The following IFIH1 variants were observed in gnomAD, a reference collection of about 807,000 sequenced individuals.
IFIH1 encodes interferon induced with helicase C domain 1.
Under a neutral mutation model 107.4 loss-of-function variants are expected in IFIH1, and 125 were observed. The observed-to-expected ratio is 1.16, with a 90% CI of 1.01 to 1.35. The LOEUF is 1.35. Ranked by LOEUF, IFIH1 falls within the 40% of genes most tolerant of loss-of-function variation. The probability of loss-of-function intolerance (pLI) is 0.00; values close to 1 mark genes in which losing one functional copy is unlikely to be tolerated. For missense variants in IFIH1, 1,333 were observed against 1,213.7 expected, an observed-to-expected ratio of 1.10 and a Z score of -1.46; for synonymous variants, 458 against 413.2, an observed-to-expected ratio of 1.11 and a Z score of -1.31.
At chr2:162,274,046 A>C (rs1404488854) in intron 11 of IFIH1, 102 bp from the exon 12 acceptor site, 1 of 751,556 alleles carries the variant, frequency 1.3e-6, no homozygotes. Context: ...AGTGTAAATC[A>C]AAGGATTAGA....
intron 11 of IFIH1, 47 bp from the exon 12 acceptor site, chr2:162,273,991 TA>T (rs1264254315): frequency 4.0e-6 from 5 of 1,252,414 alleles, no homozygotes; most frequent in Non-Finnish European, 5.7e-6. Flanking sequence ...CTAAACACAT[TA>T]AAATCTTCTA....
intron 4 of IFIH1, among the ~76,000 whole-genome samples, chr2:162,291,692 A>C (rs1171336123): frequency 2.6e-5 from 4 of 151,840 alleles, no homozygotes; most frequent in Non-Finnish European, 5.9e-5. Context: ...GTCAACTTCA[A>C]AGATTAAAAC....
chr2:162,277,574 A>C lies in IFIH1; in HGVS notation c.1885T>G (p.Phe629Val), dbSNP rs145818112. Residue 629 changes from phenylalanine (F) to valine (V), a missense_variant, in exon 10 of 16, where the codon TTC (phenylalanine) becomes GTC (valine). Phe to Val is a conservative substitution (Grantham distance 50). Coordinates refer to ENST00000649979, the MANE Select transcript of IFIH1 (RefSeq NM_022168.4). ...MIDAYTHLETFYNEEKDKKFA... is the reference protein window; with the variant it reads ...MIDAYTHLETVYNEEKDKKFA... Reference sequence around the variant, plus strand: ...TTCTTATCTTTCTCTTCATTATAGAAAGTTTCAAGATGAGTATACGCATCT... The same window carrying C: ...TTCTTATCTTTCTCTTCATTATAGACAGTTTCAAGATGAGTATACGCATCT... 1.9e-6 allele frequency: 3 copies of C among 1,610,942 alleles called. No individual in the cohort carries two copies. The African/African-American group carries it at 4.0e-5, about 21-fold the overall frequency.
chr2:162,288,956 C>CACACACAG (rs779518601), intron 4 of IFIH1, among the ~76,000 whole-genome samples: 33 of 150,096 alleles, frequency 2.2e-4, no homozygotes, highest in Non-Finnish European at 3.6e-4. Flanking sequence ...CACACACACA[C>CACACACAG]AGACACCCTA....
At chr2:162,281,279 A>C in intron 7 of IFIH1, 49 bp downstream of exon 7, 2 of 1,434,440 alleles carry the variant, frequency 1.4e-6, no homozygotes, top group Non-Finnish European at 1.9e-6. Context: ...AAGTCCTGGC[A>C]TTTGTTTTAG....
Position 162,306,839 on chromosome 2 carries a change from T to A in IFIH1, c.639A>T (p.Ser213=). 1.2e-6 allele frequency: 2 copies of A among 1,613,838 alleles called. No homozygotes were observed. Among genetic ancestry groups the A allele is most frequent in the Non-Finnish European group, 1.7e-6 (2 of 1,179,800 alleles). ...CTTCCACTTGAGGACCATCAACTTG[T>A]GATAAATTCTCAATCTCTGTGAATA... ...SESNAEIENL[S]QVDGPQVEEQ... is the part of the protein sequence containing the mutation. Residue 213 remains serine (S), a synonymous_variant, in exon 3 of 16, where the codon TCA becomes TCT. Coordinates refer to ENST00000649979, the MANE Select transcript of IFIH1 (RefSeq NM_022168.4).
chr2:162,277,511 C>T lies in IFIH1; in HGVS notation c.1948G>A (p.Asp650Asn), dbSNP rs567418553. 35 of 1,582,004 alleles carry T rather than the reference C, an allele frequency of 2.2e-5. 1 individual carries two copies. The East Asian group carries it at 2.7e-4, about 12-fold the overall frequency. The stretch of plus-strand genomic sequence containing the variant: ...TCATCACCATCACAATACTCATCAT[C>T]ACCACCCTCATCACTATCATCTTCT... The part of the protein sequence containing the change: ...VIEDDSDEGG[D>N]DEYCDGDEDE... The change falls in exon 10 of 16, where the codon GAT becomes AAT. Residue 650 changes from aspartate to asparagine, a missense_variant. Asp to Asn is a conservative substitution (Grantham distance 23, BLOSUM62 1). Coordinates refer to ENST00000649979, the MANE Select transcript of IFIH1 (RefSeq NM_022168.4).
chr2:162,282,617 G>A (rs760564199), intron 5 of IFIH1, 41 bp from the exon 6 acceptor site: 1 of 1,379,910 alleles, frequency 7.2e-7, no homozygotes, highest in Admixed American at 1.9e-5. Context: ...GAGAAAGTTA[G>A]TCGAAGCCAA....
At chr2:162,314,398 C>CCTTT (rs1553461352) in intron 1 of IFIH1, among the ~76,000 whole-genome samples, 1,775 of 66,688 alleles carry the variant, frequency 0.027, 188 homozygotes, top group Middle Eastern at 0.069. Flanking sequence ...CTCCCTCCCT[C>CCTTT]CTTTCTTTCT....
At chr2:162,279,430 T>C (rs1189241549) in intron 8 of IFIH1, among the ~76,000 whole-genome samples, 2 of 152,124 alleles carry the variant, frequency 1.3e-5, no homozygotes, top group African/African-American at 4.8e-5. Context: ...TGACATAATT[T>C]ACTGGCCATA....
At position 162,310,899 on chromosome 2, in the gene IFIH1, C is replaced by A. The variant is rs1178412309; in HGVS notation, c.488G>T (p.Gly163Val). The change falls in exon 2 of 16, where the codon GGT becomes GTT. Residue 163 changes from glycine (G) to valine (V), a missense_variant. By Grantham distance (109) the Gly-to-Val change is moderately radical. Transcript: ENST00000649979. ...AAAENNGNES[G>V]VRELLKRIVQ... ...AATCCTTTTTAGTAGCTCTCTTACA[C>A]CTGATTCATTTCCATTGTTTTCTGC... The A allele has an allele frequency of 1.2e-6, 2 of 1,613,428 alleles. No homozygotes were observed. Among genetic ancestry groups the A allele is most frequent in the South Asian group, 1.1e-5 (1 of 91,014 alleles).
Position 162,267,488 on chromosome 2 carries a change from T to C in IFIH1, c.2889A>G (p.Lys963=), listed in dbSNP as rs1690948170. The C allele has an allele frequency of 1.2e-6, 2 of 1,613,736 alleles. No individual in the cohort carries two copies. Among genetic ancestry groups the C allele is most frequent in the African/African-American group, 2.7e-5 (2 of 74,932 alleles). ...DYQINGEIIC[K]CGQAWGTMMV... is the part of the protein sequence containing the mutation. ...ACAGCAATTTACTCACCTGGCCACA[T>C]TTGCAGATGATTTCACCATTTATTT... Residue 963 remains lysine, a synonymous_variant, in exon 15 of 16, where the codon AAA becomes AAG. Transcript: ENST00000649979.
intron 3 of IFIH1, among the ~76,000 whole-genome samples, chr2:162,302,177 T>C (rs1375428160): frequency 6.6e-6 from 1 of 152,124 alleles, no homozygotes; most frequent in Non-Finnish European, 1.5e-5. Flanking sequence ...CTGATGGTAG[T>C]GTGTCTTATC....
In IFIH1 at chr2:162,278,196, C is replaced by G. The variant is rs139661131; in HGVS notation, c.1765+9G>C. ...GATAAACTAAGTGTTAGGTCCAAAC[C>G]TAAATTACCTTTTTTTTCCATTTGA... On this transcript the variant is annotated intron_variant, in intron 9 of 15. Transcript: ENST00000649979. 19 of 1,600,016 alleles carry G rather than the reference C, an allele frequency of 1.2e-5. No homozygotes were observed. The highest frequency in any genetic ancestry group is 1.5e-5 in the Non-Finnish European group (18 of 1,175,722).
Position 162,318,012 on chromosome 2 carries a change from A to G in IFIH1, c.296T>C (p.Leu99Pro), listed in dbSNP as rs751197215. 4 of 1,614,188 alleles carry G rather than the reference A, an allele frequency of 2.5e-6. No individual in the cohort carries two copies. The highest frequency in any genetic ancestry group is 3.4e-6 in the Non-Finnish European group (4 of 1,180,030). The change falls in exon 1 of 16, where the codon CTC (leucine) becomes CCC (proline). Residue 99 changes from leucine (L) to proline (P), a missense_variant. Transcript: ENST00000649979. ...AAACGATGGAGAGGGCAAGTCCGTG[A>G]GCTCAGGGTTCATGTAGCGGGCGGC... is the stretch of plus-strand genomic sequence containing the variant. ...PLAARYMNPELTDLPSPSFEN... is the reference protein window; with the variant it reads ...PLAARYMNPEPTDLPSPSFEN...
At chr2:162,291,758 C>G (rs1340766019) in intron 4 of IFIH1, among the ~76,000 whole-genome samples, 1 of 151,788 alleles carries the variant, frequency 6.6e-6, no homozygotes, top group Non-Finnish European at 1.5e-5. Flanking sequence ...TAACAGTTCA[C>G]CAATTTATCT....
At chr2:162,278,543 C>A (rs1175564301) in intron 8 of IFIH1, among the ~76,000 whole-genome samples, 3 of 152,054 alleles carry the variant, frequency 2.0e-5, no homozygotes, top group Non-Finnish European at 4.4e-5. Flanking sequence ...CACCCTGTTA[C>A]CTCTGCTGGA....
At position 162,276,947 on chromosome 2, in the gene IFIH1, C is replaced by A. The variant is rs748813106; in HGVS notation, c.2045-1G>T. 3.1e-6 allele frequency: 5 copies of A among 1,591,566 alleles called. No homozygotes were observed. In the African/African-American group the frequency reaches 5.5e-5, roughly 17 times the overall value. ...AGCCTTTTCAACATTTTATTGTTTT[C>A]TTTAAGAAATAATTAGAGTTGATAT... On this transcript the variant is annotated splice_acceptor_variant, in intron 10 of 15. Coordinates refer to ENST00000649979, the MANE Select transcript of IFIH1 (RefSeq NM_022168.4). LOFTEE classifies it high-confidence loss of function.
At chr2:162,314,484 C>A (rs1301889769) in intron 1 of IFIH1, among the ~76,000 whole-genome samples, 1 of 96,964 alleles carries the variant, frequency 1.0e-5, no homozygotes, top group Non-Finnish European at 1.9e-5. Context: ...TTCTTTCTTT[C>A]TTTTTCTTTC....
Sources: allele counts gnomAD v4.1 joint callset (sites outside exome capture counted in the v4.1 genomes callset), GRCh38; gene constraint gnomAD v4.1.1; transcripts MANE v1.5; gene names NCBI Gene and HGNC (gene_info 2026-07-23, HGNC 2026-07-21).